The following SOX5 variants were observed in gnomAD, a reference collection of about 807,000 sequenced individuals.
The protein encoded by SOX5 is transcription factor SOX-5.
SOX5 carries 9 observed loss-of-function variants against 92.0 expected under a neutral mutation model. The observed-to-expected ratio is 0.10, with a 90% CI of 0.06 to 0.17. SOX5 has a LOEUF of 0.17. Ranked by LOEUF, SOX5 falls within the 10% of genes least tolerant of loss-of-function variation. SOX5 has a pLI of 1.00. For synonymous variants in SOX5, 344 were observed against 336.3 expected, an observed-to-expected ratio of 1.02 and a Z score of -0.25; for missense variants, 642 against 944.5, an observed-to-expected ratio of 0.68 and a Z score of 4.20.
At chr12:24,205,059 T>C (rs938516428) in intron 4 of SOX5, among the ~76,000 whole-genome samples, 2 of 152,222 alleles carry the variant, frequency 1.3e-5, no homozygotes, top group African/African-American at 4.8e-5. Context: ...CGTCTTCTCT[T>C]TGAAAGCTTA....
rs538881960 is a variant in SOX5 at position 24,199,816 on chromosome 12, A to T, written c.-2+13527T>A. Among the ~76,000 whole-genome samples the T allele has an allele frequency of 4.0e-4, 61 of 152,286 alleles. 2 individuals are homozygous for T. The South Asian group carries it at 0.012, about 31-fold the overall frequency. On this transcript the variant is annotated intron_variant, in intron 4 of 4. Transcript: ENST00000446891. ...TGCAATCCAGTGCACCTAACAAGAG[A>T]GGTGATTTCTTAGATTAGTCACTTA... is the stretch of plus-strand genomic sequence containing the variant.
At chr12:23,579,552 T>C in intron 9 of SOX5, among the ~76,000 whole-genome samples, 1 of 152,170 alleles carries the variant, frequency 6.6e-6, no homozygotes. Flanking sequence ...CATTTTCTAT[T>C]AATTATTTTT....
rs531138418 is a variant in SOX5, at chr12:23,769,794, G to A, written c.482-14070C>T. On this transcript the variant is annotated intron_variant, in intron 3 of 14. Coordinates refer to ENST00000451604, the MANE Select transcript of SOX5 (RefSeq NM_006940.6). ...CAACATTATGAAATACAATACTTATGAACAATCCAATGCTAAGAGGTCTCT... is the reference window on the plus strand; with the variant it reads ...CAACATTATGAAATACAATACTTATAAACAATCCAATGCTAAGAGGTCTCT... 4.6e-5 allele frequency among the ~76,000 whole-genome samples: 7 copies of A among 152,118 alleles called. No individual in the cohort carries two copies. The South Asian group carries it at 1.0e-3, about 23-fold the overall frequency.
At chr12:23,780,742 G>T (rs2095261206) in intron 3 of SOX5, among the ~76,000 whole-genome samples, 1 of 152,006 alleles carries the variant, frequency 6.6e-6, no homozygotes, top group Non-Finnish European at 1.5e-5. Context: ...TTAAAAAGGG[G>T]CTAAGAATTT....
chr12:24,154,124 T>A lies in SOX5; in HGVS notation c.-2+59219A>T, dbSNP rs114032779. ...TCTTCTTCCTCTAGATTTCCCAGGT[T>A]ATCTAGGAGAGCAGTAGTAAACTAC... On this transcript the variant is annotated intron_variant, in intron 4 of 4. Coordinates refer to the SOX5 transcript ENST00000446891. Among the ~76,000 whole-genome samples, 343 of 152,252 alleles carry A rather than the reference T, an allele frequency of 2.3e-3. 2 individuals carry two copies. Among genetic ancestry groups the A allele is most frequent in the African/African-American group, 8.0e-3 (332 of 41,558 alleles).
At chr12:24,034,868 T>C (rs796530893) in intron 4 of SOX5, among the ~76,000 whole-genome samples, 10 of 152,248 alleles carry the variant, frequency 6.6e-5, no homozygotes, top group African/African-American at 2.4e-4. Flanking sequence ...CTTGAAACCG[T>C]ACATTTTTGT....
intron 2 of SOX5, among the ~76,000 whole-genome samples, chr12:24,360,747 G>C (rs763890007): frequency 6.6e-6 from 1 of 152,118 alleles, no homozygotes; most frequent in Non-Finnish European, 1.5e-5. Context: ...ATGTATCCCT[G>C]GGTCGCAAGA....
intron 8 of SOX5, among the ~76,000 whole-genome samples, chr12:23,617,031 AG>A (rs1396187901): frequency 6.6e-6 from 1 of 151,126 alleles, no homozygotes; most frequent in Non-Finnish European, 1.5e-5. Context: ...ATGCTGAGAC[AG>A]GGGGATTGCT....
intron 3 of SOX5, among the ~76,000 whole-genome samples, chr12:23,819,466 T>C (rs1202382629): frequency 1.3e-5 from 2 of 152,194 alleles, no homozygotes; most frequent in Non-Finnish European, 2.9e-5. Flanking sequence ...CTGGGATACA[T>C]GTGCAGAATG....
intron 1 of SOX5, among the ~76,000 whole-genome samples, chr12:24,427,975 G>A (rs1224163282): frequency 6.6e-6 from 1 of 152,128 alleles, no homozygotes; most frequent in Non-Finnish European, 1.5e-5. Flanking sequence ...TAGAGATTTT[G>A]AGCCTAGACT....
chr12:23,831,196 G>A (rs911065296), intron 3 of SOX5, among the ~76,000 whole-genome samples: 2 of 151,936 alleles, frequency 1.3e-5, no homozygotes, highest in African/African-American at 4.8e-5. Flanking sequence ...ATCATAGAAG[G>A]TGCAATCAAT....
intron 9 of SOX5, among the ~76,000 whole-genome samples, chr12:23,597,980 A>G (rs1279140774): frequency 1.3e-5 from 2 of 152,194 alleles, no homozygotes; most frequent in African/African-American, 2.4e-5. Context: ...ACCAGGCCCA[A>G]CAGTTTCAGG....
chr12:24,499,660 T>C (rs1473026519), intron 1 of SOX5, among the ~76,000 whole-genome samples: 1 of 152,014 alleles, frequency 6.6e-6, no homozygotes, highest in Non-Finnish European at 1.5e-5. Flanking sequence ...AAGCCTAGCA[T>C]TGGAAAGATG....
At chr12:23,643,044 G>A (rs1304340875) in intron 7 of SOX5, among the ~76,000 whole-genome samples, 2 of 94,342 alleles carry the variant, frequency 2.1e-5, no homozygotes, top group African/African-American at 3.4e-5. Context: ...CCGAGATCCC[G>A]CCACTGCACT....
chr12:24,475,459 ACTGAG>A (rs1945262570), intron 1 of SOX5, among the ~76,000 whole-genome samples: 2 of 152,150 alleles, frequency 1.3e-5, no homozygotes, highest in African/African-American at 4.8e-5. Flanking sequence ...ACGTTTATGA[ACTGAG>A]CTGAAGTTGG....
chr12:23,640,934 A>T, intron 7 of SOX5, 37 bp from the exon 8 acceptor site: 1 of 1,373,796 alleles, frequency 7.3e-7, no homozygotes, highest in Non-Finnish European at 1.0e-6. Flanking sequence ...AGCACCTTTT[A>T]TCTACTCTCC....
At chr12:24,350,701 TA>T (rs1350138162) in intron 2 of SOX5, among the ~76,000 whole-genome samples, 1 of 152,028 alleles carries the variant, frequency 6.6e-6, no homozygotes, top group Admixed American at 6.6e-5. Context: ...GGAATCCACT[TA>T]TGGAGGTGGT....
In SOX5 at chr12:23,812,483, G is replaced by A. The variant is rs544528647; in HGVS notation, c.481+33500C>T. 1.6e-4 allele frequency among the ~76,000 whole-genome samples: 24 copies of A among 150,578 alleles called. No individual in the cohort carries two copies. In the South Asian group the frequency reaches 2.3e-3, roughly 14 times the overall value. On this transcript the variant is annotated intron_variant, in intron 3 of 14. Coordinates refer to ENST00000451604, the MANE Select transcript of SOX5 (RefSeq NM_006940.6). ...CACAGATGGGGATTTTTTTTTTTCC[G>A]GAAAGAAACATTTATACTTTAAAGG...
intron 8 of SOX5, among the ~76,000 whole-genome samples, chr12:23,622,453 C>T (rs1223608396): frequency 6.6e-6 from 1 of 152,026 alleles, no homozygotes; most frequent in Non-Finnish European, 1.5e-5. Context: ...TCTGATCCTA[C>T]ACTTCAATGG....
Sources: allele counts gnomAD v4.1 joint callset (sites outside exome capture counted in the v4.1 genomes callset), GRCh38; gene constraint gnomAD v4.1.1; transcripts MANE v1.5; gene names NCBI Gene and HGNC (gene_info 2026-07-23, HGNC 2026-07-21).